Variants in DDX46 observed in about 807,000 individuals in gnomAD.
The protein encoded by DDX46 is DEAD-box helicase 46.
A neutral mutation model predicts 134.9 loss-of-function variants in DDX46; 30 were observed. The observed-to-expected ratio is 0.22, with a 90% CI of 0.17 to 0.30. DDX46 has a LOEUF of 0.30. DDX46 is among the 10% of genes least tolerant of loss of function. DDX46 has a pLI of 1.00. For synonymous variants in DDX46, 415 were observed against 404.1 expected (o/e 1.03, Z -0.32); for missense variants, 622 against 1,248.7 (o/e 0.50, Z 7.56).
At chr5:134,785,775 T>C (rs567749102) in intron 11 of DDX46, among the ~76,000 whole-genome samples, 189 bp downstream of exon 11, 1 of 152,252 alleles carries the variant, frequency 6.6e-6, no homozygotes, top group Non-Finnish European at 1.5e-5. Context: ...GGAGATGTAA[T>C]GTACAGCATG....
At chr5:134,803,639 A>T (rs889810584) in intron 15 of DDX46, among the ~76,000 whole-genome samples, 1 of 152,116 alleles carries the variant, frequency 6.6e-6, no homozygotes, top group South Asian at 2.1e-4. Context: ...CCAAGTGTCA[A>T]CTTTCTTCCC....
rs747644852 is a variant in DDX46 at position 134,784,537 on chromosome 5, A to T, written c.1338A>T (p.Pro446=). The T allele has an allele frequency of 4.4e-6, 7 of 1,599,962 alleles. No individual in the cohort carries two copies. Among genetic ancestry groups the T allele is most frequent in the Non-Finnish European group, 6.0e-6 (7 of 1,175,184 alleles). The change falls in exon 10 of 23, where the codon CCA becomes CCT. Residue 446 remains proline (P), a synonymous_variant. Transcript: ENST00000452510. ...DQRSLEEGEG[P]IAVIMTPTRE... The stretch of plus-strand genomic sequence containing the variant: ...GGTCATTAGAGGAAGGAGAGGGGCC[A>T]ATAGGTACAATTCTTTTCATTAAAC...
intron 1 of DDX46, among the ~76,000 whole-genome samples, chr5:134,761,962 T>C (rs1753400398): frequency 6.6e-6 from 1 of 152,006 alleles, no homozygotes; most frequent in East Asian, 1.9e-4. Context: ...GAATAATACT[T>C]TAAAAACATT....
chr5:134,806,861 T>A (rs2150154334), intron 15 of DDX46, among the ~76,000 whole-genome samples: 1 of 152,266 alleles, frequency 6.6e-6, no homozygotes, highest in Non-Finnish European at 1.5e-5. Flanking sequence ...TAATAGAACT[T>A]TATGGTATTT....
chr5:134,762,720 T>G (rs1484057600), intron 1 of DDX46, among the ~76,000 whole-genome samples: 1 of 148,030 alleles, frequency 6.8e-6, no homozygotes, highest in Non-Finnish European at 1.5e-5. Context: ...GCAACAAGAG[T>G]GCGACTCTGT....
intron 12 of DDX46, among the ~76,000 whole-genome samples, chr5:134,789,659 C>T (rs1754447081): frequency 6.6e-6 from 1 of 150,696 alleles, no homozygotes; most frequent in African/African-American, 2.4e-5. Flanking sequence ...TTACCTTTTT[C>T]TCTTATCTGT....
At chr5:134,777,505 G>T in intron 5 of DDX46, 69 bp from the exon 6 acceptor site, 2 of 1,569,336 alleles carry the variant, frequency 1.3e-6, no homozygotes, top group Non-Finnish European at 1.7e-6. Flanking sequence ...GAGAGGTGGG[G>T]TGTGGTCTGA....
At chr5:134,766,767 A>G in intron 2 of DDX46, 150 bp from the exon 3 acceptor site, 1 of 838,448 alleles carries the variant, frequency 1.2e-6, no homozygotes, top group East Asian at 3.1e-5. Flanking sequence ...TTTTTCGTTG[A>G]GCACTTATAA....
chr5:134,784,593 CAGAA>C (rs752419246), intron 10 of DDX46, 52 bp downstream of exon 10: 14 of 1,512,446 alleles, frequency 9.3e-6, no homozygotes, highest in Non-Finnish European at 1.2e-5. Flanking sequence ...TGTTGTCAAA[CAGAA>C]AGACCTTATA....
chr5:134,801,038 C>T (rs1461312836), intron 15 of DDX46, among the ~76,000 whole-genome samples: 2 of 152,124 alleles, frequency 1.3e-5, no homozygotes, highest in East Asian at 3.9e-4. Flanking sequence ...AATCCCAGCA[C>T]TTTGGGAGGC....
chr5:134,773,196 C>G (rs540291123), intron 4 of DDX46, among the ~76,000 whole-genome samples: 1 of 152,262 alleles, frequency 6.6e-6, no homozygotes, highest in East Asian at 1.9e-4. Context: ...CTCAGCTTCC[C>G]AGGTAGCTGG....
chr5:134,764,580 A>G (rs1363348636), intron 2 of DDX46, among the ~76,000 whole-genome samples: 1 of 152,024 alleles, frequency 6.6e-6, no homozygotes, highest in African/African-American at 2.4e-5. Context: ...ACCGTGTCCG[A>G]CCATCAAACA....
intron 13 of DDX46, among the ~76,000 whole-genome samples, chr5:134,793,129 C>T (rs904717150): frequency 2.0e-5 from 3 of 152,086 alleles, no homozygotes; most frequent in African/African-American, 7.2e-5. Flanking sequence ...TGCACTCCAG[C>T]CTGGGCGACA....
In DDX46 at chr5:134,811,322, G is replaced by T; in HGVS notation, c.2250G>T (p.Glu750Asp). Residue 750 changes from glutamate to aspartate, a missense_variant, in exon 17 of 23, where the codon GAG becomes GAT. Physicochemically the swap from Glu to Asp is conservative, Grantham distance 45 (BLOSUM62 2). Transcript: ENST00000452510. ...LSGTAVPPDLEKLWSDFKDQQ... is the reference protein window; with the variant it reads ...LSGTAVPPDLDKLWSDFKDQQ... ...GGACTGCAGTACCTCCTGATTTAGAGAAACTGTGGAGTGATTTCAAAGATC... is the reference window on the plus strand; with the variant it reads ...GGACTGCAGTACCTCCTGATTTAGATAAACTGTGGAGTGATTTCAAAGATC... The T allele has an allele frequency of 6.2e-7, 1 of 1,614,062 alleles. No homozygotes were observed. The highest frequency in any genetic ancestry group is 8.5e-7 in the Non-Finnish European group (1 of 1,179,994).
At position 134,805,397 on chromosome 5, in the gene DDX46, A is replaced by T. The variant is rs546919267; in HGVS notation, c.1955-2351A>T. On this transcript the variant is annotated intron_variant, in intron 15 of 22. Transcript: ENST00000452510. ...TCACTAGGCTGGTCTTGAAATCCTG[A>T]GCTTGTAATCCGCCCGCCTCGGCCT... Among the ~76,000 whole-genome samples the T allele has an allele frequency of 2.0e-5, 3 of 152,074 alleles. No homozygotes were observed. The South Asian group carries it at 6.2e-4, about 32-fold the overall frequency.
At chr5:134,825,729 A>G (rs1297496652) in intron 21 of DDX46, 1 of 152,174 alleles carries the variant, frequency 6.6e-6, no homozygotes, top group African/African-American at 2.4e-5. Flanking sequence ...CATTGGCTCC[A>G]GATTCTACCC....
At position 134,831,114 on chromosome 5, in the gene DDX46, G is replaced by A. The variant is rs1263786777; in HGVS notation, c.*2408G>A. On this transcript the variant is annotated 3_prime_UTR_variant, in exon 23 of 23. Transcript: ENST00000452510. ...ATTCCTTATAAAATAAAATTAATTC[G>A]AATTCAATCTGCACTTTCTTAAAAT... 1.3e-5 allele frequency: 2 copies of A among 151,608 alleles called. No individual in the cohort carries two copies. The highest frequency in any genetic ancestry group is 2.9e-5 in the Non-Finnish European group (2 of 67,946). 9.4% of individuals were successfully genotyped at this position (151,608 alleles called of 1,614,324 possible).
rs142297153 is a variant in DDX46 at position 134,812,401 on chromosome 5, T to C, written c.2436+556T>C. On this transcript the variant is annotated intron_variant, in intron 18 of 22. Transcript: ENST00000452510. ...AAGTCTTTAACGAATCTTGTTTAAC[T>C]TCATTAAACCCAGAAATTCCCCAAC... Among the ~76,000 whole-genome samples the C allele has an allele frequency of 3.5e-4, 54 of 152,202 alleles. No individual in the cohort carries two copies. The East Asian group carries it at 8.3e-3, about 23-fold the overall frequency.
At chr5:134,825,020 C>CT (rs1243729631) in intron 21 of DDX46, among the ~76,000 whole-genome samples, 1 of 152,158 alleles carries the variant, frequency 6.6e-6, no homozygotes. Flanking sequence ...AGGAAATGCC[C>CT]TTTTTTTCAT....
Sources: gnomAD v4.1 joint callset for allele counts (sites outside exome capture counted in the v4.1 genomes callset) on GRCh38, gnomAD v4.1.1 for gene constraint, MANE v1.5 for transcripts, NCBI Gene and HGNC (gene_info 2026-07-23, HGNC 2026-07-21) for gene names.